Variants in LANCL3 observed in about 807,000 individuals in gnomAD.
LANCL3 encodes lanC-like protein 3.
In LANCL3, 19 loss-of-function variants were observed where a neutral mutation model predicts 26.5. That is an observed-to-expected ratio of 0.72 (90% CI 0.50 to 1.05). The LOEUF (loss-of-function observed/expected upper bound fraction) is 1.05, where lower values mean the gene tolerates loss of function less well. Among genes scored for constraint, LANCL3 ranks in the 50% least tolerant of loss-of-function variants. LANCL3 has a pLI of 0.00. For missense variants in LANCL3, 318 were observed against 362.7 expected (o/e 0.88, Z 1.00); for synonymous variants, 160 against 166.6 (o/e 0.96, Z 0.30).
intron 1 of LANCL3, among the ~76,000 whole-genome samples, chrX:37,651,453 GTTAAGT>G (rs1435475259): frequency 2.7e-5 from 3 of 111,743 alleles, no homozygotes; most frequent in African/African-American, 9.8e-5. Context: ...ATTCTTTATA[GTTAAGT>G]TTATGTTTTT....
chrX:37,579,987 G>C (rs1421471609), intron 1 of LANCL3, among the ~76,000 whole-genome samples: 2 of 111,620 alleles, frequency 1.8e-5, no homozygotes, highest in Non-Finnish European at 3.8e-5. Context: ...AGGTTTCCAG[G>C]GTAGAAACTG....
At chrX:37,622,183 G>A (rs1925182167) in intron 1 of LANCL3, among the ~76,000 whole-genome samples, 1 of 111,402 alleles carries the variant, frequency 9.0e-6, no homozygotes, top group Non-Finnish European at 1.9e-5. Context: ...ACTCAAGTTG[G>A]AGAGAAACTT....
chrX:37,658,989 G>C (rs781849026), intron 2 of LANCL3, among the ~76,000 whole-genome samples: 87 of 112,441 alleles, frequency 7.7e-4, no homozygotes, highest in Non-Finnish European at 1.2e-3. Context: ...AAATGTTTAG[G>C]ATACCTAGAC....
In LANCL3 at chrX:37,627,956, G is replaced by A. The variant is rs782667189; in HGVS notation, c.574-27732G>A. The stretch of plus-strand genomic sequence containing the variant: ...CTGATTTAGCTGACTACCATAGTAC[G>A]TTTAATTTATTAGCTGGTGATCTTT... On this transcript the variant is annotated intron_variant, in intron 1 of 4. Coordinates refer to ENST00000378619, the MANE Select transcript of LANCL3 (RefSeq NM_001170331.2). 2.0e-3 allele frequency among the ~76,000 whole-genome samples: 228 copies of A among 111,748 alleles called. 2 individuals carry two copies. The highest frequency in any genetic ancestry group is 3.6e-3 in the Non-Finnish European group (190 of 53,106).
intron 1 of LANCL3, among the ~76,000 whole-genome samples, chrX:37,586,262 A>T (rs1395755381): frequency 9.1e-6 from 1 of 110,437 alleles, no homozygotes; most frequent in Non-Finnish European, 1.9e-5. Context: ...GGTGAATCTG[A>T]CCGTTATGTG....
At chrX:37,631,430 G>GT (rs1195667030) in intron 1 of LANCL3, among the ~76,000 whole-genome samples, 2 of 111,348 alleles carry the variant, frequency 1.8e-5, no homozygotes, top group African/African-American at 3.3e-5. Flanking sequence ...TTTTTGAAGG[G>GT]TTTTTTGTGT....
intron 1 of LANCL3, among the ~76,000 whole-genome samples, chrX:37,648,042 C>A (rs1926032282): frequency 8.9e-6 from 1 of 112,594 alleles, no homozygotes; most frequent in South Asian, 3.7e-4. Flanking sequence ...AAGACTAAGA[C>A]AAACTCTCAC....
At chrX:37,661,400 G>A (rs1427249897) in intron 3 of LANCL3, among the ~76,000 whole-genome samples, 1 of 111,682 alleles carries the variant, frequency 9.0e-6, no homozygotes, top group African/African-American at 3.3e-5. Flanking sequence ...TATCATTCAT[G>A]TTCAGTATCT....
chrX:37,636,632 C>G (rs1226670946), intron 1 of LANCL3, among the ~76,000 whole-genome samples: 4 of 112,188 alleles, frequency 3.6e-5, no homozygotes, highest in African/African-American at 1.3e-4. Context: ...AATACATTGA[C>G]TCTCAATTGA....
At chrX:37,661,200 C>A (rs1440548980) in intron 3 of LANCL3, among the ~76,000 whole-genome samples, 2 of 111,625 alleles carry the variant, frequency 1.8e-5, no homozygotes, top group Non-Finnish European at 3.8e-5. Context: ...ATTCAATGTG[C>A]TAGTAATAGT....
intron 1 of LANCL3, among the ~76,000 whole-genome samples, chrX:37,610,637 T>C (rs781933841): frequency 8.9e-6 from 1 of 111,849 alleles, no homozygotes; most frequent in Admixed American, 9.5e-5. Flanking sequence ...CCCCCCATCT[T>C]TGTTCCTGAG....
rs1556437055 is a variant in LANCL3 at position 37,675,799 on chromosome X, A to G, written c.1249A>G (p.Ser417Gly). Residue 417 changes from serine to glycine, a missense_variant, in exon 5 of 5, where the codon AGC becomes GGC. By Grantham distance (56) the Ser-to-Gly change is moderately conservative. Transcript: ENST00000378619. The part of the protein sequence containing the change: ...QPNQAEFPLF[S>G]VFV ...CAATCAGGCTGAATTCCCACTCTTC[A>G]GCGTCTTTGTTTAGAAGGCTCTATC... is the stretch of plus-strand genomic sequence containing the variant. 1 of 1,150,937 alleles carries G rather than the reference A, an allele frequency of 8.7e-7. No homozygotes were observed. Among genetic ancestry groups the G allele is most frequent in the East Asian group, 3.3e-5 (1 of 30,293 alleles). 94.9% of individuals were successfully genotyped at this position (1,150,937 alleles called of 1,213,427 possible). A position where few individuals can be genotyped will look rare whatever the true frequency, so the allele number is the denominator to read the frequency against.
Position 37,611,347 on chromosome X carries a change from T to C in LANCL3, c.573+38904T>C, listed in dbSNP as rs112432417. ...TGGGTGTCCTTATACCTTGGCCATC[T>C]CCTCTGCTCCGTGGCTGTGGTGGGT... On this transcript the variant is annotated intron_variant, in intron 1 of 4. Coordinates refer to ENST00000378619, the MANE Select transcript of LANCL3 (RefSeq NM_001170331.2). 6.7e-3 allele frequency among the ~76,000 whole-genome samples: 747 copies of C among 111,545 alleles called. 8 individuals are homozygous for C. Among genetic ancestry groups the C allele is most frequent in the African/African-American group, 0.023 (714 of 30,662 alleles).
rs782811620 is a variant in LANCL3, at chrX:37,655,801, C to T, written c.687C>T (p.Thr229=). 8.3e-6 allele frequency: 10 copies of T among 1,205,072 alleles called. No individual in the cohort carries two copies. The highest frequency in any genetic ancestry group is 1.1e-5 in the Non-Finnish European group (10 of 891,342). ...CCCTGATGTATTCTTACTATGGAAC[C>T]GAATACTTGGGTAAGTGAAGGTGTT... The part of the protein sequence containing the change: ...PFPLMYSYYG[T]EYLGAAHGLS... Residue 229 remains threonine (T), a synonymous_variant, in exon 2 of 5, where the codon ACC becomes ACT. Coordinates refer to ENST00000378619, the MANE Select transcript of LANCL3 (RefSeq NM_001170331.2).
chrX:37,610,837 T>C (rs1303412579), intron 1 of LANCL3, among the ~76,000 whole-genome samples: 1 of 112,704 alleles, frequency 8.9e-6, no homozygotes, highest in Non-Finnish European at 1.9e-5. Flanking sequence ...ACCACATTTA[T>C]TATACTGTAT....
At chrX:37,591,933 C>T (rs1273702227) in intron 1 of LANCL3, among the ~76,000 whole-genome samples, 2 of 110,577 alleles carry the variant, frequency 1.8e-5, no homozygotes, top group African/African-American at 6.6e-5. Flanking sequence ...AGTTCCTCCA[C>T]CTGGGCCCTC....
chrX:37,593,567 A>G (rs1421041254), intron 1 of LANCL3, among the ~76,000 whole-genome samples: 1 of 112,449 alleles, frequency 8.9e-6, no homozygotes, highest in African/African-American at 3.2e-5. Context: ...GAGTTGATAT[A>G]TGGCTGGGAA....
intron 1 of LANCL3, among the ~76,000 whole-genome samples, chrX:37,575,228 T>C (rs1602089491): frequency 9.0e-6 from 1 of 111,181 alleles, no homozygotes; most frequent in African/African-American, 3.3e-5. Context: ...TGCCTGGCCT[T>C]GTATAGGTCT....
intron 2 of LANCL3, among the ~76,000 whole-genome samples, chrX:37,656,282 T>C (rs1398139082): frequency 9.0e-6 from 1 of 111,242 alleles, no homozygotes; most frequent in African/African-American, 3.3e-5. Context: ...TACTCTTCTT[T>C]TGAGTCCTTC....
Sources: allele counts gnomAD v4.1 joint callset (sites outside exome capture counted in the v4.1 genomes callset), GRCh38; gene constraint gnomAD v4.1.1; transcripts MANE v1.5; gene names NCBI Gene and HGNC (gene_info 2026-07-23, HGNC 2026-07-21).